CPS1: variants seen among roughly 807,000 people sequenced by gnomAD.
The protein encoded by CPS1 is carbamoyl-phosphate synthase [ammonia], mitochondrial.
In CPS1, 109 loss-of-function variants were observed where a neutral mutation model predicts 174.6. That is an observed-to-expected ratio of 0.62 (90% confidence interval 0.53 to 0.73). CPS1 has a LOEUF of 0.73. Among genes scored for constraint, CPS1 ranks in the 30% least tolerant of loss-of-function variants. The pLI is 0.00. For synonymous variants in CPS1, 637 were observed against 632.0 expected (o/e 1.01, Z -0.12); for missense variants, 1,689 against 1,821.9 (o/e 0.93, Z 1.33).
intron 1 of CPS1, chr2:210,519,727 G>A (rs1695772000): frequency 6.1e-6 from 6 of 984,978 alleles, no homozygotes; most frequent in Non-Finnish European, 7.2e-6. Context: ...TAGTTCAAAA[G>A]CATCCAGTAT....
chr2:210,647,456 C>T (rs1472237843), intron 25 of CPS1, among the ~76,000 whole-genome samples: 2 of 152,044 alleles, frequency 1.3e-5, no homozygotes, highest in Non-Finnish European at 2.9e-5. Flanking sequence ...CTTGCTTAAT[C>T]TGAATGTGAA....
chr2:210,524,505 A>G (rs1200156373), intron 1 of CPS1, among the ~76,000 whole-genome samples: 1 of 151,950 alleles, frequency 6.6e-6, no homozygotes, highest in Non-Finnish European at 1.5e-5. Flanking sequence ...AGTAGTGGAT[A>G]TATTATTTTT....
intron 1 of CPS1, among the ~76,000 whole-genome samples, chr2:210,538,186 G>T (rs1696309098): frequency 6.6e-6 from 1 of 152,084 alleles, no homozygotes; most frequent in Non-Finnish European, 1.5e-5. Flanking sequence ...GCCATTTTCA[G>T]AGTTTTTTAT....
At chr2:210,674,810 A>G in intron 34 of CPS1, 92 bp from the exon 35 acceptor site, 1 of 1,035,918 alleles carries the variant, frequency 9.7e-7, no homozygotes, top group African/African-American at 1.6e-5. Flanking sequence ...AACATGTAAC[A>G]TTGTCTTTTA....
chr2:210,595,440 C>T (rs1405867631), intron 12 of CPS1, 47 bp from the exon 13 acceptor site: 13 of 1,323,888 alleles, frequency 9.8e-6, no homozygotes, highest in Non-Finnish European at 1.3e-5. Context: ...TGCCTTATTT[C>T]CCCCATTTTA....
chr2:210,656,939 A>C (rs940509146), intron 30 of CPS1, among the ~76,000 whole-genome samples: 2 of 152,100 alleles, frequency 1.3e-5, no homozygotes, highest in Non-Finnish European at 2.9e-5. Flanking sequence ...TTCTGATTTC[A>C]TATTTCTGGA....
At chr2:210,606,983 C>T (rs768965647) in intron 18 of CPS1, 42 bp downstream of exon 18, 2 of 1,569,910 alleles carry the variant, frequency 1.3e-6, no homozygotes, top group East Asian at 2.3e-5. Context: ...AGATTCTTTT[C>T]AGATAGAAAT....
intron 21 of CPS1, among the ~76,000 whole-genome samples, chr2:210,633,548 A>G (rs1699937630): frequency 1.3e-5 from 2 of 152,218 alleles, no homozygotes; most frequent in South Asian, 4.1e-4. Context: ...AAAATACTAC[A>G]TTCCTGAATG....
At chr2:210,538,680 A>T (rs571557724) in intron 1 of CPS1, among the ~76,000 whole-genome samples, 5 of 152,226 alleles carry the variant, frequency 3.3e-5, no homozygotes, top group African/African-American at 1.2e-4. Context: ...TATCCAAAAC[A>T]TTTGCTTGCA....
intron 20 of CPS1, among the ~76,000 whole-genome samples, chr2:210,614,644 T>G (rs890536304): frequency 1.8e-4 from 27 of 152,010 alleles, no homozygotes; most frequent in Non-Finnish European, 7.4e-5. Context: ...ATTTCTCTAA[T>G]GACCAGTGAT....
Position 210,606,880 on chromosome 2 carries a change from T to C in CPS1, c.2131T>C (p.Cys711Arg), listed in dbSNP as rs1244823608. 1 of 1,612,672 alleles carries C rather than the reference T, an allele frequency of 6.2e-7. No homozygotes were observed. Among genetic ancestry groups the C allele is most frequent in the Non-Finnish European group, 8.5e-7 (1 of 1,179,110 alleles). Residue 711 changes from cysteine (C) to arginine (R), a missense_variant, in exon 18 of 38, where the codon TGC (cysteine) becomes CGC (arginine). Physicochemically the swap from Cys to Arg is radical, Grantham distance 180. Coordinates refer to ENST00000233072, the MANE Select transcript of CPS1 (RefSeq NM_001875.5). The stretch of plus-strand genomic sequence containing the variant: ...CCTTCATCCTACCTCAATGGAATAC[T>C]GCATCATTGAAGTGAATGCCAGACT... The part of the protein sequence containing the change: ...FALHPTSMEY[C>R]IIEVNARLSR...
At chr2:210,514,252 G>T (rs1695611633) in intron 1 of CPS1, among the ~76,000 whole-genome samples, 1 of 151,976 alleles carries the variant, frequency 6.6e-6, no homozygotes, top group Non-Finnish European at 1.5e-5. Flanking sequence ...GAATAGTGTT[G>T]AATCTGTAGC....
At chr2:210,506,104 C>A (rs1321839446) in intron 1 of CPS1, among the ~76,000 whole-genome samples, 1 of 152,120 alleles carries the variant, frequency 6.6e-6, no homozygotes, top group Non-Finnish European at 1.5e-5. Flanking sequence ...GGGTGCTGAC[C>A]CCCGAATAGC....
rs778179182 is a variant in CPS1, at chr2:210,579,698, A to C, written c.472-16A>C. ...TCTCCTCCAATTTCACTGTCACTAC[A>C]ATTTTTTTCTTATAGGTTCCTGCAA... On this transcript the variant is annotated splice_polypyrimidine_tract_variant and intron_variant, in intron 4 of 37. Transcript: ENST00000233072. 6 of 1,608,214 alleles carry C rather than the reference A, an allele frequency of 3.7e-6. No homozygotes were observed. The South Asian group carries it at 5.5e-5, about 15-fold the overall frequency.
intron 1 of CPS1, among the ~76,000 whole-genome samples, chr2:210,494,067 A>G (rs1158214716): frequency 1.3e-5 from 2 of 152,216 alleles, no homozygotes; most frequent in Non-Finnish European, 2.9e-5. Context: ...GCAACAGAGT[A>G]TCGAGGTAGG....
chr2:210,478,617 C>T (rs985446056), intron 1 of CPS1, among the ~76,000 whole-genome samples: 10 of 152,114 alleles, frequency 6.6e-5, no homozygotes, highest in Admixed American at 1.3e-4. Flanking sequence ...TCTTTCATTT[C>T]GATGAAGTTA....
chr2:210,625,232 A>G (rs182984616), intron 21 of CPS1, among the ~76,000 whole-genome samples: 1 of 152,170 alleles, frequency 6.6e-6, no homozygotes, highest in East Asian at 1.9e-4. Flanking sequence ...TTGGGTATCT[A>G]CTATGTGTAA....
In CPS1 at chr2:210,658,700, C is replaced by G; in HGVS notation, c.3756+12C>G. 1 of 1,596,724 alleles carries G rather than the reference C, an allele frequency of 6.3e-7. No homozygotes were observed. The highest frequency in any genetic ancestry group is 8.6e-7 in the Non-Finnish European group (1 of 1,164,280). On this transcript the variant is annotated intron_variant, in intron 31 of 37. Transcript: ENST00000233072. ...GAAATGATGTCTTGGTAAGAAATGC[C>G]AAGGTGCCTGAGAGGACACCACCAC...
intron 15 of CPS1, among the ~76,000 whole-genome samples, chr2:210,601,376 A>G (rs1279593750): frequency 6.6e-6 from 1 of 151,964 alleles, no homozygotes; most frequent in Non-Finnish European, 1.5e-5. Context: ...TCTCCATGGT[A>G]GAAACAGGCA....
Sources: gnomAD v4.1 joint callset for allele counts (sites outside exome capture counted in the v4.1 genomes callset) on GRCh38, gnomAD v4.1.1 for gene constraint, MANE v1.5 for transcripts, NCBI Gene and HGNC (gene_info 2026-07-23, HGNC 2026-07-21) for gene names.